Variants in NUDT12 observed in about 807,000 individuals in gnomAD.
NUDT12 encodes nudix hydrolase 12.
A neutral mutation model predicts 45.7 loss-of-function variants in NUDT12; 42 were observed. That is an observed-to-expected ratio of 0.92 (90% confidence interval 0.72 to 1.19). The LOEUF is 1.19. Among genes scored for constraint, NUDT12 ranks in the 50% most tolerant of loss-of-function variants. The pLI, the probability that NUDT12 is intolerant of heterozygous loss-of-function variation, is 0.00. For synonymous variants in NUDT12, 206 were observed against 179.7 expected (o/e 1.15, Z -1.17); for missense variants, 590 against 533.1 (o/e 1.11, Z -1.05).
intron 6 of NUDT12, among the ~76,000 whole-genome samples, chr5:103,551,605 A>G (rs1256692613): frequency 2.6e-5 from 4 of 152,220 alleles, no homozygotes; most frequent in African/African-American, 7.2e-5. Flanking sequence ...TTCATAAGCA[A>G]TAATCTAATT....
chr5:103,554,374 G>A (rs1244229294), intron 5 of NUDT12: 1 of 156,332 alleles, frequency 6.4e-6, no homozygotes, highest in African/African-American at 2.4e-5. Flanking sequence ...TGAATGCAGG[G>A]TATGGGGGCT....
chr5:103,559,120 C>T lies in NUDT12; in HGVS notation c.555G>A (p.Lys185=). Residue 185 remains lysine (K), a synonymous_variant, in exon 3 of 7, where the codon AAG becomes AAA. Coordinates refer to ENST00000230792, the MANE Select transcript of NUDT12 (RefSeq NM_031438.4). ...RLCQLNYTDI[K]DYLAQPEKIT... is the part of the protein sequence containing the mutation. ...TCTTCTCAGGCTGGGCCAAATAATC[C>T]TTTATATCTGTGTAGTTCAGCTGAC... is the stretch of plus-strand genomic sequence containing the variant. The T allele has an allele frequency of 6.2e-7, 1 of 1,603,990 alleles. No individual in the cohort carries two copies. The highest frequency in any genetic ancestry group is 8.5e-7 in the Non-Finnish European group (1 of 1,175,872).
In NUDT12 at chr5:103,559,024, C is replaced by T. The variant is rs145120636; in HGVS notation, c.651G>A (p.Pro217=). ...CAACCAATCCATCTTCCTCCTCTCT[C>T]GGGACTTCACCAGCATAATTAAGTA... ...DKLLNYAGEV[P]REEEDGLVAW... Residue 217 remains proline (P), a synonymous_variant, in exon 3 of 7, where the codon CCG becomes CCA. Coordinates refer to ENST00000230792, the MANE Select transcript of NUDT12 (RefSeq NM_031438.4). 6 of 1,613,666 alleles carry T rather than the reference C, an allele frequency of 3.7e-6. No individual in the cohort carries two copies. Among genetic ancestry groups the T allele is most frequent in the Admixed American group, 3.3e-5 (2 of 59,994 alleles).
chr5:103,558,509 T>C (rs1748905868), intron 3 of NUDT12, among the ~76,000 whole-genome samples: 1 of 152,176 alleles, frequency 6.6e-6, no homozygotes, highest in Non-Finnish European at 1.5e-5. Context: ...TTTAAATGGC[T>C]TTAGAATCAA....
intron 5 of NUDT12, among the ~76,000 whole-genome samples, chr5:103,552,859 ACT>A (rs2112446262): frequency 6.6e-6 from 1 of 152,166 alleles, no homozygotes; most frequent in African/African-American, 2.4e-5. Flanking sequence ...ATTGCAGGTA[ACT>A]CTTTTCAGGT....
chr5:103,555,465 G>T, intron 4 of NUDT12, among the ~76,000 whole-genome samples: 1 of 152,092 alleles, frequency 6.6e-6, no homozygotes, highest in African/African-American at 2.4e-5. Flanking sequence ...AGGTGTTGCT[G>T]AGCCTATCTA....
Position 103,552,214 on chromosome 5 carries a change from T to C in NUDT12, c.1278+3A>G, listed in dbSNP as rs369371114. 37 of 1,609,738 alleles carry C rather than the reference T, an allele frequency of 2.3e-5. No individual in the cohort carries two copies. In the African/African-American group the frequency reaches 4.1e-4, roughly 18 times the overall value. ...AGAAGAAGGAAATTAAATTGAACTT[T>C]ACCTGTTCTCTAGTGAACCAGCGGG... On this transcript the variant is annotated splice_donor_region_variant and intron_variant, in intron 6 of 6. Transcript: ENST00000230792.
At chr5:103,559,635 A>C (rs1312946094) in intron 2 of NUDT12, 167 bp from the exon 3 acceptor site, 2 of 456,612 alleles carry the variant, frequency 4.4e-6, no homozygotes, top group Non-Finnish European at 7.6e-6. Flanking sequence ...GGAAGGTTAA[A>C]AGAACAATCA....
Position 103,552,285 on chromosome 5 carries a change from C to T in NUDT12, c.1210G>A (p.Ala404Thr). The T allele has an allele frequency of 1.2e-6, 2 of 1,613,942 alleles. No homozygotes were observed. The highest frequency in any genetic ancestry group is 1.7e-6 in the Non-Finnish European group (2 of 1,179,888). Residue 404 changes from alanine (A) to threonine (T), a missense_variant, in exon 6 of 7, where the codon GCA becomes ACA. Ala to Thr is a moderately conservative substitution (Grantham distance 58, BLOSUM62 0). Transcript: ENST00000230792. The part of the protein sequence containing the change: ...SSLMIGCLAL[A>T]VSTEIKVDKN... ...TCAACTTTAATTTCTGTAGACACTG[C>T]TAGAGCTAAGCAACCAATCATTAAG... is the stretch of plus-strand genomic sequence containing the variant.
At chr5:103,557,485 C>T (rs2112453349) in intron 3 of NUDT12, among the ~76,000 whole-genome samples, 1 of 151,744 alleles carries the variant, frequency 6.6e-6, no homozygotes, top group African/African-American at 2.4e-5. Flanking sequence ...AGTAACTCAT[C>T]AGTCTACCAT....
intron 3 of NUDT12, among the ~76,000 whole-genome samples, chr5:103,556,644 T>C (rs1748830566): frequency 2.0e-5 from 3 of 152,094 alleles, no homozygotes; most frequent in Admixed American, 1.3e-4. Context: ...ATTTACTACA[T>C]TCATGGTTAA....
In NUDT12 at chr5:103,556,112, A is replaced by G; in HGVS notation, c.797-14T>C. The G allele has an allele frequency of 6.5e-7, 1 of 1,529,342 alleles. No homozygotes were observed. The highest frequency in any genetic ancestry group is 8.7e-7 in the Non-Finnish European group (1 of 1,144,048). The allele number at this position is 1,529,342 out of a possible 1,614,324, so 94.7% of individuals were successfully genotyped here. A position where few individuals can be genotyped will look rare whatever the true frequency, so the allele number is the denominator to read the frequency against. ...GAGCTACAACCCCTTCAAAAAAAAG[A>G]AAAGCACAAAAATTTTAATTCTGTA... On this transcript the variant is annotated splice_polypyrimidine_tract_variant and intron_variant, in intron 3 of 6. Transcript: ENST00000230792.
At position 103,549,559 on chromosome 5, in the gene NUDT12, G is replaced by A. The variant is rs1748587759; in HGVS notation, c.*1302C>T. On this transcript the variant is annotated 3_prime_UTR_variant, in exon 7 of 7. Transcript: ENST00000230792. ...TCCTCTGCATTATATAGTACAGACT[G>A]TTGTAATTAGTTATGTAACTTTCAC... The A allele has an allele frequency of 6.6e-6, 1 of 151,860 alleles. No individual in the cohort carries two copies. The highest frequency in any genetic ancestry group is 1.5e-5 in the Non-Finnish European group (1 of 67,906). 9.4% of individuals were successfully genotyped at this position (151,860 alleles called of 1,614,324 possible).
rs1190369434 is a variant in NUDT12 at position 103,558,874 on chromosome 5, C to T, written c.796+5G>A. The T allele has an allele frequency of 3.2e-6, 5 of 1,541,694 alleles. No homozygotes were observed. The South Asian group carries it at 6.3e-5, about 19-fold the overall frequency. Reference sequence around the variant, plus strand: ...TACCAATGAAAAGCAGCATTCATTTCTTACCAGCTTCTTTTTCTTTCAATT... The same window carrying T: ...TACCAATGAAAAGCAGCATTCATTTTTTACCAGCTTCTTTTTCTTTCAATT... On this transcript the variant is annotated splice_donor_5th_base_variant and intron_variant, in intron 3 of 6. Coordinates refer to ENST00000230792, the MANE Select transcript of NUDT12 (RefSeq NM_031438.4).
chr5:103,556,120 A>G, intron 3 of NUDT12, 22 bp from the exon 4 acceptor site: 1 of 1,518,740 alleles, frequency 6.6e-7, no homozygotes, highest in South Asian at 1.4e-5. Context: ...AGAAAAGCAC[A>G]AAAATTTTAA....
chr5:103,552,021 T>G (rs968946170), intron 6 of NUDT12, among the ~76,000 whole-genome samples, 196 bp downstream of exon 6: 2 of 152,148 alleles, frequency 1.3e-5, no homozygotes, highest in Admixed American at 1.3e-4. Context: ...AAAAATCTCA[T>G]AGAATAAGTT....
At position 103,550,984 on chromosome 5, in the gene NUDT12, A is replaced by G. The variant is rs763511754; in HGVS notation, c.1279-13T>C. On this transcript the variant is annotated splice_polypyrimidine_tract_variant and intron_variant, in intron 6 of 6. Coordinates refer to ENST00000230792, the MANE Select transcript of NUDT12 (RefSeq NM_031438.4). The stretch of plus-strand genomic sequence containing the variant: ...GAACATCCAGGACCTAAAACACACC[A>G]TAATAGAATGCATTAGGATTTCAAA... 20 of 1,561,322 alleles carry G rather than the reference A, an allele frequency of 1.3e-5. No homozygotes were observed. The East Asian group carries it at 3.4e-4, about 26-fold the overall frequency.
Position 103,555,972 on chromosome 5 carries a change from G to C in NUDT12, c.923C>G (p.Pro308Arg). ...YKRLCLKEDCPSLNGVHNTSY... is the reference protein window; with the variant it reads ...YKRLCLKEDCRSLNGVHNTSY... ...GGTATTATGGACGCCATTGAGACTAGGACAGTCTTCTTTTAAACATAATCT... is the reference window on the plus strand; with the variant it reads ...GGTATTATGGACGCCATTGAGACTACGACAGTCTTCTTTTAAACATAATCT... Residue 308 changes from proline (P) to arginine (R), a missense_variant, in exon 4 of 7, where the codon CCT becomes CGT. Coordinates refer to ENST00000230792, the MANE Select transcript of NUDT12 (RefSeq NM_031438.4). 1.2e-6 allele frequency: 2 copies of C among 1,609,616 alleles called. No individual in the cohort carries two copies. Among genetic ancestry groups the C allele is most frequent in the Non-Finnish European group, 1.7e-6 (2 of 1,177,418 alleles).
At position 103,555,915 on chromosome 5, in the gene NUDT12, A is replaced by C. The variant is rs1554256629; in HGVS notation, c.964+16T>G. On this transcript the variant is annotated intron_variant, in intron 4 of 6. Coordinates refer to ENST00000230792, the MANE Select transcript of NUDT12 (RefSeq NM_031438.4). ...CCCAAGATCCAGGTGGCTGAGATAT[A>C]AAATAAAGGGCTTACCAACTCTTGG... 6.8e-7 allele frequency: 1 copy of C among 1,479,984 alleles called. No homozygotes were observed. The highest frequency in any genetic ancestry group is 9.0e-7 in the Non-Finnish European group (1 of 1,111,548). 91.7% of individuals were successfully genotyped at this position (1,479,984 alleles called of 1,614,324 possible). A position where few individuals can be genotyped will look rare whatever the true frequency, so the allele number is the denominator to read the frequency against.
Sources: allele counts gnomAD v4.1 joint callset (sites outside exome capture counted in the v4.1 genomes callset), GRCh38; gene constraint gnomAD v4.1.1; transcripts MANE v1.5; gene names NCBI Gene and HGNC (gene_info 2026-07-23, HGNC 2026-07-21).